The following ATP2C2 variants were observed in gnomAD, a reference collection of about 807,000 sequenced individuals.
The protein encoded by ATP2C2 is calcium-transporting ATPase type 2C member 2.
ATP2C2 carries 171 observed loss-of-function variants against 110.8 expected under a neutral mutation model. The observed-to-expected ratio is 1.54, with a 90% confidence interval of 1.36 to 1.75. The LOEUF is 1.75. ATP2C2 is among the 40% of genes most tolerant of loss of function. The pLI is 0.00. For synonymous variants in ATP2C2, 804 were observed against 508.4 expected (o/e 1.58, Z -7.82); for missense variants, 1,963 against 1,235.0 (o/e 1.59, Z -8.84).
chr16:84,370,749 T>C (rs1909906820), intron 1 of ATP2C2, among the ~76,000 whole-genome samples: 1 of 152,086 alleles, frequency 6.6e-6, no homozygotes, highest in South Asian at 2.1e-4. Context: ...GAACCGTCTT[T>C]TATGAGCACT....
At position 84,448,561 on chromosome 16, in the gene ATP2C2, G is replaced by A; in HGVS notation, c.1532G>A (p.Gly511Glu). ...CAGGAAGACATTTACTTCATGAAAG[G>A]GGCCTTGGAAGAGGTGATCCGCTAC... ...EDQEDIYFMK[G>E]ALEEVIRYCT... Residue 511 changes from glycine to glutamate, a missense_variant, in exon 17 of 27, where the codon GGG becomes GAG. Gly to Glu is a moderately conservative substitution (Grantham distance 98). Transcript: ENST00000262429. 1.9e-6 allele frequency: 3 copies of A among 1,612,710 alleles called. No homozygotes were observed. Among genetic ancestry groups the A allele is most frequent in the Non-Finnish European group, 2.5e-6 (3 of 1,179,224 alleles).
intron 4 of ATP2C2, among the ~76,000 whole-genome samples, chr16:84,409,474 A>G (rs955674673): frequency 2.0e-5 from 3 of 152,184 alleles, no homozygotes; most frequent in South Asian, 4.1e-4. Flanking sequence ...GATTCAGACA[A>G]TACATGACCT....
In ATP2C2 at chr16:84,460,782, T is replaced by G. The variant is rs1911241938; in HGVS notation, c.2462T>G (p.Leu821Arg). Reference sequence around the variant, plus strand: ...GCGGCCATCATCATCAGCGGGACCCTCTTTATCTTCTGGAAGGAGGTGAGC... The same window carrying G: ...GCGGCCATCATCATCAGCGGGACCCGCTTTATCTTCTGGAAGGAGGTGAGC... ...MSAAIIISGT[L>R]FIFWKEMPED... Residue 821 changes from leucine to arginine, a missense_variant, in exon 24 of 27, where the codon CTC becomes CGC. Coordinates refer to ENST00000262429, the MANE Select transcript of ATP2C2 (RefSeq NM_014861.4). 3.1e-6 allele frequency: 5 copies of G among 1,613,176 alleles called. No individual in the cohort carries two copies. Among genetic ancestry groups the G allele is most frequent in the Non-Finnish European group, 4.2e-6 (5 of 1,179,344 alleles).
chr16:84,389,635 C>T (rs1053922222), intron 1 of ATP2C2, among the ~76,000 whole-genome samples: 1 of 152,106 alleles, frequency 6.6e-6, no homozygotes, highest in Non-Finnish European at 1.5e-5. Flanking sequence ...CTGCTGTCCC[C>T]ACCTCTGGTC....
chr16:84,409,440 A>G (rs905760547), intron 4 of ATP2C2, among the ~76,000 whole-genome samples: 2 of 152,204 alleles, frequency 1.3e-5, no homozygotes, highest in Non-Finnish European at 2.9e-5. Flanking sequence ...CCTAGAACTT[A>G]AAGTATAACA....
chr16:84,418,619 C>A (rs1235889453), intron 7 of ATP2C2, among the ~76,000 whole-genome samples: 1 of 152,214 alleles, frequency 6.6e-6, no homozygotes, highest in Admixed American at 6.5e-5. Context: ...CAGCAGCCCG[C>A]AGAGGTTGCG....
chr16:84,416,883 G>C (rs143237167), intron 7 of ATP2C2, among the ~76,000 whole-genome samples: 1 of 151,816 alleles, frequency 6.6e-6, no homozygotes, highest in Non-Finnish European at 1.5e-5. Flanking sequence ...GGGGAAGCTG[G>C]GCTCACATTT....
chr16:84,408,457 T>C lies in ATP2C2; in HGVS notation c.380T>C (p.Leu127Pro), dbSNP rs367911975. 3.7e-6 allele frequency: 6 copies of C among 1,613,708 alleles called. No homozygotes were observed. The highest frequency in any genetic ancestry group is 5.1e-6 in the Non-Finnish European group (6 of 1,179,976). Residue 127 changes from leucine to proline, a missense_variant, in exon 4 of 27, where the codon CTC becomes CCC. Coordinates refer to ENST00000262429, the MANE Select transcript of ATP2C2 (RefSeq NM_014861.4). ...CTGGGCTCTGCCCTGGTGAGTGTCCTCACCAAGGAGTATGAGGACGCCGTC... is the reference window on the plus strand; with the variant it reads ...CTGGGCTCTGCCCTGGTGAGTGTCCCCACCAAGGAGTATGAGGACGCCGTC... ...LLLGSALVSV[L>P]TKEYEDAVSI... is the part of the protein sequence containing the mutation.
chr16:84,439,903 C>T (rs74897177), intron 13 of ATP2C2, among the ~76,000 whole-genome samples: 3,281 of 152,310 alleles, frequency 0.022, 129 homozygotes, highest in African/African-American at 0.075. Context: ...TGGCTGATCT[C>T]TGCTCACTGT....
chr16:84,442,360 T>G, intron 14 of ATP2C2, 150 bp from the exon 15 acceptor site: 4 of 711,428 alleles, frequency 5.6e-6, no homozygotes, highest in Non-Finnish European at 1.0e-5. Context: ...ATAGTCACGA[T>G]GTTTCTTTTA....
Position 84,406,929 on chromosome 16 carries a change from C to T in ATP2C2, c.328-1476C>T, listed in dbSNP as rs180672006. On this transcript the variant is annotated intron_variant, in intron 3 of 26. Coordinates refer to ENST00000262429, the MANE Select transcript of ATP2C2 (RefSeq NM_014861.4). ...TTCCTTCTCACCAAGGATCCTCCTC[C>T]AGCCTCCAGCCAGGGTGTTCCCCAA... Among the ~76,000 whole-genome samples the T allele has an allele frequency of 2.6e-3, 396 of 152,264 alleles. 2 individuals carry two copies. Among genetic ancestry groups the T allele is most frequent in the African/African-American group, 9.3e-3 (388 of 41,554 alleles).
At chr16:84,420,051 G>A (rs1597802584) in intron 7 of ATP2C2, among the ~76,000 whole-genome samples, 1 of 152,066 alleles carries the variant, frequency 6.6e-6, no homozygotes, top group Admixed American at 6.5e-5. Flanking sequence ...AACTGCCATG[G>A]GGGCACCTAA....
intron 2 of ATP2C2, among the ~76,000 whole-genome samples, chr16:84,398,954 C>G (rs549486250): frequency 6.6e-6 from 1 of 152,356 alleles, no homozygotes; most frequent in East Asian, 1.9e-4. Flanking sequence ...AGAGGTAGCA[C>G]AGCCCAGCGT....
At chr16:84,382,354 A>C (rs1367552596) in intron 1 of ATP2C2, among the ~76,000 whole-genome samples, 1 of 152,150 alleles carries the variant, frequency 6.6e-6, no homozygotes, top group East Asian at 1.9e-4. Flanking sequence ...CATGGTGTAC[A>C]TGTGCTACAT....
chr16:84,438,397 G>T (rs1908934077), intron 11 of ATP2C2, among the ~76,000 whole-genome samples: 1 of 152,146 alleles, frequency 6.6e-6, no homozygotes, highest in Non-Finnish European at 1.5e-5. Flanking sequence ...CGATGTTGTG[G>T]AGTCTCAGCC....
chr16:84,425,956 T>C, intron 11 of ATP2C2, 155 bp downstream of exon 11: 2 of 818,460 alleles, frequency 2.4e-6, no homozygotes, highest in Non-Finnish European at 2.0e-6. Context: ...TAGCATGTTC[T>C]CCGACAGGTA....
intron 17 of ATP2C2, among the ~76,000 whole-genome samples, 158 bp downstream of exon 17, chr16:84,448,847 A>C (rs143323104): frequency 0.01 from 1,571 of 152,306 alleles, 23 homozygotes; most frequent in African/African-American, 0.036. Flanking sequence ...TGATGGTCAC[A>C]TGAAAGGCAC....
At chr16:84,397,655 CAAAAAAAAA>C (rs58934576) in intron 1 of ATP2C2, among the ~76,000 whole-genome samples, 1 of 63,512 alleles carries the variant, frequency 1.6e-5, no homozygotes, top group Admixed American at 2.4e-4. Context: ...GCCTGGGTGA[CAAAAAAAAA>C]AAAAAAAAAC....
chr16:84,461,348 A>T (rs1438617366), intron 24 of ATP2C2: 1 of 346,162 alleles, frequency 2.9e-6, no homozygotes, highest in Non-Finnish European at 5.3e-6. Context: ...TTTTCCCTCC[A>T]GCTCTCCCTC....
Sources: allele counts gnomAD v4.1 joint callset (sites outside exome capture counted in the v4.1 genomes callset), GRCh38; gene constraint gnomAD v4.1.1; transcripts MANE v1.5; gene names NCBI Gene and HGNC (gene_info 2026-07-23, HGNC 2026-07-21).